The following CEP128 variants were observed in gnomAD, a reference collection of about 807,000 sequenced individuals.
CEP128 encodes the protein centrosomal protein 128.
In CEP128, 132 loss-of-function variants were observed where a neutral mutation model predicts 156.7. The observed-to-expected ratio is 0.84, with a 90% confidence interval of 0.73 to 0.97. CEP128 has a LOEUF of 0.97. Among genes scored for constraint, CEP128 ranks in the 50% least tolerant of loss-of-function variants. The probability of loss-of-function intolerance (pLI) is 0.00; values close to 1 mark genes in which losing one functional copy is unlikely to be tolerated. For synonymous variants in CEP128, 469 were observed against 448.9 expected (o/e 1.04, Z -0.57); for missense variants, 1,252 against 1,281.9 (o/e 0.98, Z 0.36).
intron 2 of CEP128, among the ~76,000 whole-genome samples, chr14:80,937,484 T>C (rs1434221469): frequency 1.3e-5 from 2 of 152,040 alleles, no homozygotes; most frequent in Non-Finnish European, 2.9e-5. Context: ...CATTCATCCA[T>C]GAGCACATTC....
At chr14:80,624,270 GCTT>G (rs1488171455) in intron 19 of CEP128, among the ~76,000 whole-genome samples, 11 of 151,996 alleles carry the variant, frequency 7.2e-5, no homozygotes, top group African/African-American at 2.7e-4. Flanking sequence ...CTTTTTCATG[GCTT>G]CTTTTTTATC....
intron 8 of CEP128, among the ~76,000 whole-genome samples, chr14:80,884,820 C>A (rs1427038889): frequency 6.6e-6 from 1 of 152,126 alleles, no homozygotes; most frequent in Non-Finnish European, 1.5e-5. Context: ...ACTGTTCACT[C>A]CCTTAAAAGG....
chr14:80,952,233 A>G (rs886250765), intron 2 of CEP128, among the ~76,000 whole-genome samples: 38 of 152,080 alleles, frequency 2.5e-4, no homozygotes, highest in African/African-American at 7.7e-4. Flanking sequence ...CACACTGAAC[A>G]TTTTACCAAG....
intron 21 of CEP128, among the ~76,000 whole-genome samples, chr14:80,544,059 T>G (rs981620399): frequency 6.6e-6 from 1 of 152,170 alleles, no homozygotes; most frequent in African/African-American, 2.4e-5. Flanking sequence ...CAACAAGCAT[T>G]TACTAGCACC....
chr14:80,699,007 TG>T (rs1207231236), intron 19 of CEP128, among the ~76,000 whole-genome samples: 1 of 152,174 alleles, frequency 6.6e-6, no homozygotes, highest in Non-Finnish European at 1.5e-5. Context: ...CTTTTAATAT[TG>T]GATATGGAAT....
At chr14:80,826,067 C>CT (rs1339709067) in intron 13 of CEP128, among the ~76,000 whole-genome samples, 5 of 145,676 alleles carry the variant, frequency 3.4e-5, no homozygotes, top group Non-Finnish European at 7.4e-5. Flanking sequence ...GATCGCACCA[C>CT]TGCACTCCAC....
chr14:80,760,408 A>G (rs550881428), intron 17 of CEP128, among the ~76,000 whole-genome samples: 1 of 152,236 alleles, frequency 6.6e-6, no homozygotes, highest in African/African-American at 2.4e-5. Context: ...TTTTCCTTTA[A>G]ACACAATTTA....
chr14:80,748,152 G>T (rs1314428939), intron 18 of CEP128, among the ~76,000 whole-genome samples: 1 of 152,128 alleles, frequency 6.6e-6, no homozygotes, highest in Non-Finnish European at 1.5e-5. Flanking sequence ...GTCTTGTCTG[G>T]ATGTCACTGG....
chr14:80,859,000 G>A (rs1440378279), intron 9 of CEP128, among the ~76,000 whole-genome samples: 1 of 151,780 alleles, frequency 6.6e-6, no homozygotes, highest in Non-Finnish European at 1.5e-5. Flanking sequence ...GATTCCTCAG[G>A]GATCTAGAAC....
At chr14:80,917,118 T>C (rs1256250950) in intron 2 of CEP128, among the ~76,000 whole-genome samples, 3 of 152,320 alleles carry the variant, frequency 2.0e-5, no homozygotes, top group East Asian at 3.9e-4. Flanking sequence ...ATACAAATTC[T>C]ACAATAACAG....
intron 19 of CEP128, among the ~76,000 whole-genome samples, chr14:80,731,678 G>A (rs10130315): frequency 0.065 from 9,904 of 152,140 alleles, 1,062 homozygotes; most frequent in African/African-American, 0.23. Context: ...TCTGATCTAC[G>A]AAGGAGAGCA....
intron 12 of CEP128, among the ~76,000 whole-genome samples, chr14:80,834,113 G>T (rs1175391414): frequency 6.6e-6 from 1 of 152,148 alleles, no homozygotes; most frequent in Non-Finnish European, 1.5e-5. Context: ...ACCTCTAGGT[G>T]ATAATTTTTA....
chr14:80,678,519 T>C (rs1384446821), intron 19 of CEP128, among the ~76,000 whole-genome samples: 1 of 152,180 alleles, frequency 6.6e-6, no homozygotes, highest in East Asian at 1.9e-4. Context: ...ATGTGCGCTT[T>C]AATTCCAGAA....
intron 2 of CEP128, among the ~76,000 whole-genome samples, chr14:80,919,569 G>C (rs1162887128): frequency 6.6e-6 from 1 of 151,890 alleles, no homozygotes; most frequent in Non-Finnish European, 1.5e-5. Context: ...TTTTTATACT[G>C]TTCCCATAGG....
chr14:80,736,757 A>G (rs543327445), intron 19 of CEP128, among the ~76,000 whole-genome samples: 5 of 152,316 alleles, frequency 3.3e-5, no homozygotes, highest in African/African-American at 1.2e-4. Flanking sequence ...ACAGTTAACT[A>G]AAGAATAATG....
At chr14:80,846,619 AAGAC>A (rs1266465793) in intron 9 of CEP128, among the ~76,000 whole-genome samples, 3 of 152,164 alleles carry the variant, frequency 2.0e-5, no homozygotes, top group South Asian at 4.1e-4. Flanking sequence ...ATTTTGGAGA[AAGAC>A]AGTTAAAATG....
At chr14:80,543,456 GT>G (rs1268440590) in intron 21 of CEP128, among the ~76,000 whole-genome samples, 1 of 152,216 alleles carries the variant, frequency 6.6e-6, no homozygotes, top group African/African-American at 2.4e-5. Context: ...GGTTAAGTAT[GT>G]TTGAGATGCT....
At chr14:80,611,739 A>G (rs1279011253) in intron 19 of CEP128, among the ~76,000 whole-genome samples, 1 of 152,214 alleles carries the variant, frequency 6.6e-6, no homozygotes, top group Non-Finnish European at 1.5e-5. Context: ...TGTTAAACAT[A>G]AGAGAAACCA....
chr14:80,700,133 G>C (rs993288606), intron 19 of CEP128, among the ~76,000 whole-genome samples: 1 of 152,176 alleles, frequency 6.6e-6, no homozygotes, highest in African/African-American at 2.4e-5. Context: ...AAGGGAAAGT[G>C]TCAAGTTGTG....
Sources: allele counts gnomAD v4.1 joint callset (sites outside exome capture counted in the v4.1 genomes callset), GRCh38; gene constraint gnomAD v4.1.1; transcripts MANE v1.5; gene names NCBI Gene and HGNC (gene_info 2026-07-23, HGNC 2026-07-21).